The following KIF1C variants were observed in gnomAD, a reference collection of about 807,000 sequenced individuals.
KIF1C encodes kinesin family member 1C, also known as kinesin-like protein KIF1C.
KIF1C carries 61 observed loss-of-function variants against 126.5 expected under a neutral mutation model. That is an observed-to-expected ratio of 0.48 (90% CI 0.39 to 0.60). The LOEUF is 0.60. KIF1C is among the 20% of genes least tolerant of loss of function. KIF1C has a pLI of 0.00. For synonymous variants in KIF1C, 640 were observed against 580.6 expected (o/e 1.10, Z -1.47); for missense variants, 1,315 against 1,489.2 (o/e 0.88, Z 1.93).
chr17:5,012,811 G>A (rs1175244300), intron 16 of KIF1C, among the ~76,000 whole-genome samples: 1 of 152,186 alleles, frequency 6.6e-6, no homozygotes, highest in African/African-American at 2.4e-5. Context: ...TCGCCTGTAC[G>A]CCATCCAGAG....
intron 11 of KIF1C, 57 bp downstream of exon 11, chr17:5,004,130 A>G: frequency 6.6e-6 from 8 of 1,217,822 alleles, no homozygotes; most frequent in Non-Finnish European, 9.8e-6. Context: ...AACTCTTTTG[A>G]TACATCTGAC....
chr17:5,004,573 A>C lies in KIF1C; in HGVS notation c.947A>C (p.Asn316Thr). Residue 316 changes from asparagine (N) to threonine (T), a missense_variant, in exon 12 of 23, where the codon AAC becomes ACC. Transcript: ENST00000320785. ...TWLLKENLGG[N>T]SRTAMIAALS... ...CCATGCACTCCATTCACAGGGGGGA[A>C]CTCACGCACAGCCATGATTGCAGCC... 2.5e-6 allele frequency: 4 copies of C among 1,614,046 alleles called. No individual in the cohort carries two copies. The highest frequency in any genetic ancestry group is 2.2e-5 in the South Asian group (2 of 91,078).
chr17:5,008,885 C>T (rs1018635399), intron 16 of KIF1C, among the ~76,000 whole-genome samples: 4 of 152,120 alleles, frequency 2.6e-5, no homozygotes, highest in South Asian at 4.1e-4. Context: ...GCTTCCACCA[C>T]GGTTGCAAGG....
In KIF1C at chr17:5,026,121, C is replaced by A. The variant is rs774929053; in HGVS notation, c.*1970C>A. 6.6e-6 allele frequency: 1 copy of A among 152,256 alleles called. No individual in the cohort carries two copies. The highest frequency in any genetic ancestry group is 2.4e-5 in the African/African-American group (1 of 41,460). The allele number at this position is 152,256 out of a possible 1,614,324, so 9.4% of individuals were successfully genotyped here. A position where few individuals can be genotyped will look rare whatever the true frequency, so the allele number is the denominator to read the frequency against. Reference sequence around the variant, plus strand: ...GGGCGAAGGAACGATTAGGTTTACTCTAGGTTTCCACACCCTGATGCTCCT... The same window carrying A: ...GGGCGAAGGAACGATTAGGTTTACTATAGGTTTCCACACCCTGATGCTCCT... On this transcript the variant is annotated 3_prime_UTR_variant, in exon 23 of 23. Transcript: ENST00000320785.
At position 5,023,631 on chromosome 17, in the gene KIF1C, A is replaced by G. The variant is rs756073486; in HGVS notation, c.2792A>G (p.Asp931Gly). 11 of 1,612,956 alleles carry G rather than the reference A, an allele frequency of 6.8e-6. No individual in the cohort carries two copies. Among genetic ancestry groups the G allele is most frequent in the Non-Finnish European group, 9.3e-6 (11 of 1,179,746 alleles). ...WERVSRLMEE[D>G]PAFRRGRLRW... ...CGGGTGTCACGGCTCATGGAGGAGG[A>G]CCCTGCCTTCCGTCGTGGTCGTCTT... Residue 931 changes from aspartate (D) to glycine (G), a missense_variant, in exon 23 of 23, where the codon GAC (aspartate) becomes GGC (glycine). By Grantham distance (94) the Asp-to-Gly change is moderately conservative. Coordinates refer to ENST00000320785, the MANE Select transcript of KIF1C (RefSeq NM_006612.6). The surrounding 1 kb of genome is among the most constrained non-coding windows in gnomAD (Gnocchi z 4.2).
chr17:5,020,366 T>G lies in KIF1C; in HGVS notation c.1751-126T>G, dbSNP rs781728032. The G allele has an allele frequency of 1.9e-6, 2 of 1,028,628 alleles. No homozygotes were observed. Among genetic ancestry groups the G allele is most frequent in the Non-Finnish European group, 2.8e-6 (2 of 712,410 alleles). 63.7% of individuals were successfully genotyped at this position (1,028,628 alleles called of 1,614,324 possible). ...CAGGGGAGCATAGGCTCCAACTGCC[T>G]TCAGACTTGGGGTGATGAAGGGGAG... On this transcript the variant is annotated intron_variant, in intron 19 of 22. Coordinates refer to ENST00000320785, the MANE Select transcript of KIF1C (RefSeq NM_006612.6). This position sits in a 1 kb window ranked among gnomAD's most constrained non-coding sequence, Gnocchi z 5.8.
chr17:5,004,314 C>G (rs1426875959), intron 11 of KIF1C, among the ~76,000 whole-genome samples: 3 of 152,166 alleles, frequency 2.0e-5, no homozygotes, highest in Admixed American at 1.3e-4. Flanking sequence ...GATCCCTGAT[C>G]TCACACCCAC....
chr17:5,019,668 A>G (rs1975047784), intron 18 of KIF1C: 1 of 308,994 alleles, frequency 3.2e-6, no homozygotes. Flanking sequence ...GGCAGAAATG[A>G]CAGGGCCTCT....
At position 5,027,311 on chromosome 17, in the gene KIF1C, G is replaced by T. The variant is rs1022145382; in HGVS notation, c.*3160G>T. ...ACCCGGCTAATTTTTTGTATCTTTA[G>T]TAGAGACAGGGTTTCACTATGTTGT... On this transcript the variant is annotated 3_prime_UTR_variant, in exon 23 of 23. Coordinates refer to ENST00000320785, the MANE Select transcript of KIF1C (RefSeq NM_006612.6). The T allele has an allele frequency of 1.3e-5, 2 of 152,148 alleles. No individual in the cohort carries two copies. The highest frequency in any genetic ancestry group is 4.8e-5 in the African/African-American group (2 of 41,410). The allele number at this position is 152,148 out of a possible 1,614,324, so 9.4% of individuals were successfully genotyped here. A position where few individuals can be genotyped will look rare whatever the true frequency, so the allele number is the denominator to read the frequency against.
At chr17:5,015,716 A>C (rs1974958387) in intron 18 of KIF1C, among the ~76,000 whole-genome samples, 1 of 144,150 alleles carries the variant, frequency 6.9e-6, no homozygotes, top group Non-Finnish European at 1.5e-5. Context: ...TCTTGCCTCA[A>C]CCCCGAGTAG....
chr17:5,008,328 A>G (rs1974780907), intron 16 of KIF1C, among the ~76,000 whole-genome samples: 1 of 152,176 alleles, frequency 6.6e-6, no homozygotes, highest in Non-Finnish European at 1.5e-5. Flanking sequence ...GCACCGCTGT[A>G]CCGGTGCATA....
intron 18 of KIF1C, among the ~76,000 whole-genome samples, chr17:5,016,607 A>G (rs1974978051): frequency 6.6e-6 from 1 of 151,538 alleles, no homozygotes. Flanking sequence ...AGTGAGGTTT[A>G]AGACATACCT....
intron 3 of KIF1C, 101 bp downstream of exon 3, chr17:5,000,453 G>A: frequency 1.2e-6 from 1 of 834,024 alleles, no homozygotes; most frequent in South Asian, 1.5e-5. Context: ...GGTAATGCTG[G>A]GCACAGAGCA....
chr17:5,022,781 C>A lies in KIF1C; in HGVS notation c.2628+72C>A, dbSNP rs2143389915. On this transcript the variant is annotated intron_variant, in intron 22 of 22. Coordinates refer to ENST00000320785, the MANE Select transcript of KIF1C (RefSeq NM_006612.6). This position sits in a 1 kb window ranked among gnomAD's most constrained non-coding sequence, Gnocchi z 4.9. The stretch of plus-strand genomic sequence containing the variant: ...CTTTAGGAGTCTGAACCTTCCATCT[C>A]AGAGCCTAACCTTCCCCAAGTCTGG... 4.2e-6 allele frequency: 6 copies of A among 1,416,444 alleles called. No homozygotes were observed. In the South Asian group the frequency reaches 8.4e-5, roughly 20 times the overall value. 87.7% of individuals were successfully genotyped at this position (1,416,444 alleles called of 1,614,324 possible).
chr17:5,020,799 A>G lies in KIF1C; in HGVS notation c.1938-7A>G, dbSNP rs764921047. ...TTGCTCTTCCTTCCCTCCCTGTCCA[A>G]TCCCAGGCTGCAGGATCTGGAGAAT... On this transcript the variant is annotated splice_region_variant and splice_polypyrimidine_tract_variant and intron_variant, in intron 20 of 22. Coordinates refer to ENST00000320785, the MANE Select transcript of KIF1C (RefSeq NM_006612.6). The surrounding 1 kb of genome is among the most constrained non-coding windows in gnomAD (Gnocchi z 5.8). The G allele has an allele frequency of 2.5e-6, 4 of 1,596,528 alleles. No homozygotes were observed. Among genetic ancestry groups the G allele is most frequent in the South Asian group, 2.2e-5 (2 of 89,324 alleles).
chr17:5,021,870 GTAC>G (rs1567728312), intron 21 of KIF1C, among the ~76,000 whole-genome samples: 1 of 151,982 alleles, frequency 6.6e-6, no homozygotes, highest in Admixed American at 6.6e-5. Context: ...ATGGTTCTAA[GTAC>G]TCCACGTGGA....
chr17:5,012,709 A>T (rs907343206), intron 16 of KIF1C, among the ~76,000 whole-genome samples: 2 of 152,010 alleles, frequency 1.3e-5, no homozygotes, highest in Non-Finnish European at 2.9e-5. Context: ...GTGCCGAGGG[A>T]TGGAGAGGTG....
chr17:5,007,400 G>A (rs2143332831), intron 15 of KIF1C, 58 bp downstream of exon 15: 1 of 1,609,806 alleles, frequency 6.2e-7, no homozygotes, highest in African/African-American at 1.3e-5. Context: ...GGGAGGTCAG[G>A]CCCCACAGGG....
intron 21 of KIF1C, among the ~76,000 whole-genome samples, chr17:5,021,170 T>TG (rs36036415): frequency 1.3e-4 from 2 of 15,732 alleles, no homozygotes; most frequent in Non-Finnish European, 7.0e-4. Flanking sequence ...ATTGTTGTGG[T>TG]TTTTTTTTTT....
Sources: allele counts gnomAD v4.1 joint callset (sites outside exome capture counted in the v4.1 genomes callset), GRCh38; gene constraint gnomAD v4.1.1; non-coding constraint Gnocchi (gnomAD v3.1); transcripts MANE v1.5; gene names NCBI Gene and HGNC (gene_info 2026-07-23, HGNC 2026-07-21).